Variants in DNAAF2 observed in about 807,000 individuals in gnomAD.
DNAAF2 encodes dynein axonemal assembly factor 2.
Under a neutral mutation model 48.8 loss-of-function variants are expected in DNAAF2, and 58 were observed. The observed-to-expected ratio is 1.19, with a 90% CI of 0.96 to 1.48. The LOEUF (loss-of-function observed/expected upper bound fraction) is 1.48, where lower values mean the gene tolerates loss of function less well. Among genes scored for constraint, DNAAF2 ranks in the 40% most tolerant of loss-of-function variants. DNAAF2 has a pLI of 0.00. For missense variants in DNAAF2, 1,241 were observed against 1,116.1 expected (o/e 1.11, Z -1.59); for synonymous variants, 567 against 481.2 (o/e 1.18, Z -2.33).
In DNAAF2 at chr14:49,625,500, A is replaced by G. The variant is rs1594601922; in HGVS notation, c.*42T>C. 3 of 1,301,798 alleles carry G rather than the reference A, an allele frequency of 2.3e-6. No individual in the cohort carries two copies. The highest frequency in any genetic ancestry group is 3.0e-5 in the African/African-American group (2 of 66,512). 80.6% of individuals were successfully genotyped at this position (1,301,798 alleles called of 1,614,324 possible). ...AACAGAATCAATTTTAGATACAGGT[A>G]TTTTTTAACCTTAATATTTAAAAGT... On this transcript the variant is annotated 3_prime_UTR_variant, in exon 3 of 3. Coordinates refer to ENST00000298292, the MANE Select transcript of DNAAF2 (RefSeq NM_018139.3).
chr14:49,634,461 T>TA lies in DNAAF2; in HGVS notation c.688dup (p.Tyr230LeufsTer53). ...CGCCCGGGGCCCGGGGGCTGCCGGG[T>TA]ACTGGTAAGGGTAGGGGAAGTCCGG... On this transcript the variant is annotated frameshift_variant, in exon 1 of 3. Transcript: ENST00000298292. LOFTEE classifies it high-confidence loss of function. The TA allele has an allele frequency of 6.4e-7, 1 of 1,564,194 alleles. No homozygotes were observed.
chr14:49,632,783 C>T (rs899384225), intron 1 of DNAAF2, among the ~76,000 whole-genome samples: 1 of 152,072 alleles, frequency 6.6e-6, no homozygotes, highest in East Asian at 1.9e-4. Context: ...ATCCGTGCAG[C>T]TAGTGTTGTT....
At position 49,634,472 on chromosome 14, in the gene DNAAF2, G is replaced by C. The variant is rs892853177; in HGVS notation, c.678C>G (p.Tyr226Ter). 1 of 1,578,946 alleles carries C rather than the reference G, an allele frequency of 6.3e-7. No individual in the cohort carries two copies. The highest frequency in any genetic ancestry group is 1.3e-5 in the African/African-American group (1 of 74,346). Residue 226 changes from tyrosine (Y) to a stop codon, truncating the protein, a stop_gained, in exon 1 of 3, where the codon TAC (tyrosine) becomes TAG (stop). Coordinates refer to ENST00000298292, the MANE Select transcript of DNAAF2 (RefSeq NM_018139.3). LOFTEE classifies it high-confidence loss of function. ...EPKGPLPDFP[Y>*]PYQYPAAPGP... ...CGGGGGCTGCCGGGTACTGGTAAGGGTAGGGGAAGTCCGGGAGAGGACCCT... is the reference window on the plus strand; with the variant it reads ...CGGGGGCTGCCGGGTACTGGTAAGGCTAGGGGAAGTCCGGGAGAGGACCCT...
intron 1 of DNAAF2, among the ~76,000 whole-genome samples, chr14:49,631,016 C>T (rs2985690): frequency 0.03 from 4,635 of 152,134 alleles, 196 homozygotes; most frequent in African/African-American, 0.09. Context: ...CCCAAAGTTC[C>T]GGGGCTACAG....
chr14:49,626,710 C>T (rs1034058842), intron 2 of DNAAF2, among the ~76,000 whole-genome samples: 1 of 151,218 alleles, frequency 6.6e-6, no homozygotes. Flanking sequence ...CACCATGTTG[C>T]CCAGTCTGGT....
chr14:49,629,085 C>G (rs1478530685), intron 1 of DNAAF2, among the ~76,000 whole-genome samples: 3 of 152,076 alleles, frequency 2.0e-5, no homozygotes, highest in African/African-American at 7.2e-5. Flanking sequence ...GCCTCAGCCT[C>G]TACAGTAGCT....
rs192529396 is a variant in DNAAF2 at position 49,632,637 on chromosome 14, G to C, written c.1863+650C>G. Among the ~76,000 whole-genome samples the C allele has an allele frequency of 2.6e-5, 4 of 151,906 alleles. No homozygotes were observed. The East Asian group carries it at 7.8e-4, about 30-fold the overall frequency. ...ATTTTTGTATTTTTAATAGTGACGG[G>C]GTTTCGCCATGTTGGTCAGGCTGGT... On this transcript the variant is annotated intron_variant, in intron 1 of 2. Coordinates refer to ENST00000298292, the MANE Select transcript of DNAAF2 (RefSeq NM_018139.3).
At chr14:49,630,647 T>C (rs1211145957) in intron 1 of DNAAF2, among the ~76,000 whole-genome samples, 1 of 131,316 alleles carries the variant, frequency 7.6e-6, no homozygotes, top group Non-Finnish European at 1.7e-5. Flanking sequence ...GTCCTCTATT[T>C]TGGCCCAAAT....
Position 49,625,629 on chromosome 14 carries a change from C to A in DNAAF2, c.2427G>T (p.Met809Ile). ...TAATGACCTGCACACTACCATCCTGCATATTGGTTTCTTTTATGCTGTCGA... is the reference window on the plus strand; with the variant it reads ...TAATGACCTGCACACTACCATCCTGAATATTGGTTTCTTTTATGCTGTCGA... ...PGFDSIKETN[M>I]QDGSVQVIKD... The change falls in exon 3 of 3, where the codon ATG (methionine) becomes ATT (isoleucine). Residue 809 changes from methionine to isoleucine, a missense_variant. Coordinates refer to ENST00000298292, the MANE Select transcript of DNAAF2 (RefSeq NM_018139.3). 6.2e-7 allele frequency: 1 copy of A among 1,613,718 alleles called. No individual in the cohort carries two copies. The highest frequency in any genetic ancestry group is 8.5e-7 in the Non-Finnish European group (1 of 1,179,762).
In DNAAF2 at chr14:49,634,488, A is replaced by G; in HGVS notation, c.662T>C (p.Leu221Pro). The change falls in exon 1 of 3, where the codon CTC (leucine) becomes CCC (proline). Residue 221 changes from leucine (L) to proline (P), a missense_variant. Coordinates refer to ENST00000298292, the MANE Select transcript of DNAAF2 (RefSeq NM_018139.3). ...ARPDGEPKGP[L>P]PDFPYPYQYP... is the part of the protein sequence containing the mutation. ...CTGGTAAGGGTAGGGGAAGTCCGGG[A>G]GAGGACCCTTCGGCTCCCCGTCAGG... 1 of 1,589,734 alleles carries G rather than the reference A, an allele frequency of 6.3e-7. No individual in the cohort carries two copies. Among genetic ancestry groups the G allele is most frequent in the South Asian group, 1.1e-5 (1 of 90,104 alleles).
intron 2 of DNAAF2, among the ~76,000 whole-genome samples, chr14:49,627,461 A>G (rs892171789): frequency 6.6e-6 from 1 of 152,222 alleles, no homozygotes; most frequent in African/African-American, 2.4e-5. Context: ...AAACTTCCTA[A>G]GTGTTAGTTT....
intron 2 of DNAAF2, among the ~76,000 whole-genome samples, chr14:49,626,514 G>A (rs1431401216): frequency 2.0e-5 from 3 of 152,112 alleles, no homozygotes; most frequent in Non-Finnish European, 4.4e-5. Context: ...GGCAGCATTT[G>A]AAGGATGACT....
chr14:49,632,880 GT>G (rs1883199443), intron 1 of DNAAF2, among the ~76,000 whole-genome samples: 1 of 151,650 alleles, frequency 6.6e-6, no homozygotes, highest in African/African-American at 2.4e-5. Flanking sequence ...CCATTTATGA[GT>G]TTAAAGAGTC....
At position 49,633,936 on chromosome 14, in the gene DNAAF2, G is replaced by A. The variant is rs779849510; in HGVS notation, c.1214C>T (p.Ala405Val). ...GGTGACCCCGGAGCCCGCAGCCCCA[G>A]CCACGCAGGTATCGTGGCCTCCGTC... is the stretch of plus-strand genomic sequence containing the variant. ...AEDGGHDTCV[A>V]GAAGSGVTTL... The change falls in exon 1 of 3, where the codon GCT (alanine) becomes GTT (valine). Residue 405 changes from alanine (A) to valine (V), a missense_variant. Coordinates refer to ENST00000298292, the MANE Select transcript of DNAAF2 (RefSeq NM_018139.3). The A allele has an allele frequency of 2.6e-6, 4 of 1,531,496 alleles. No homozygotes were observed. In the East Asian group the frequency reaches 9.8e-5, roughly 38 times the overall value. 94.9% of individuals were successfully genotyped at this position (1,531,496 alleles called of 1,614,324 possible).
rs768980352 is a variant in DNAAF2, at chr14:49,633,563, C to T, written c.1587G>A (p.Gln529=). The change falls in exon 1 of 3, where the codon CAG becomes CAA. Residue 529 remains glutamine (Q), a synonymous_variant. Coordinates refer to ENST00000298292, the MANE Select transcript of DNAAF2 (RefSeq NM_018139.3). ...TGAGCAGAGTCAAGGTTTCTTTGTC[C>T]TGATTACACAGTAACGGAGGACACA... ...EPLCPPLLCN[Q]DKETLTLLIQ... 1.1e-5 allele frequency: 17 copies of T among 1,613,888 alleles called. No individual in the cohort carries two copies. Among genetic ancestry groups the T allele is most frequent in the South Asian group, 2.2e-5 (2 of 91,086 alleles).
rs150737854 is a variant in DNAAF2 at position 49,633,744 on chromosome 14, C to T, written c.1406G>A (p.Cys469Tyr). The T allele has an allele frequency of 6.2e-3, 9,812 of 1,593,408 alleles. 94 individuals carry two copies. The highest frequency in any genetic ancestry group is 0.026 in the South Asian group (2,341 of 89,502). ...CCACGCCAGGCTCCGGGAGGACAAACAAGGGGAGCCTCCGCCACCAGGTGA... is the reference window on the plus strand; with the variant it reads ...CCACGCCAGGCTCCGGGAGGACAAATAAGGGGAGCCTCCGCCACCAGGTGA... ...ENSPGGGGSP[C>Y]LSSRSLAWGS... Residue 469 changes from cysteine (C) to tyrosine (Y), a missense_variant, in exon 1 of 3, where the codon TGT becomes TAT. By Grantham distance (194) the Cys-to-Tyr change is radical. Coordinates refer to ENST00000298292, the MANE Select transcript of DNAAF2 (RefSeq NM_018139.3).
intron 1 of DNAAF2, among the ~76,000 whole-genome samples, chr14:49,632,563 A>C (rs557247378): frequency 6.6e-6 from 1 of 151,514 alleles, no homozygotes; most frequent in Admixed American, 6.6e-5. Flanking sequence ...CTCCTGCCTC[A>C]GCCTCCCAAG....
chr14:49,626,105 G>T, intron 2 of DNAAF2, 57 bp from the exon 3 acceptor site: 1 of 1,299,692 alleles, frequency 7.7e-7, no homozygotes, highest in Non-Finnish European at 9.9e-7. Context: ...AAATTAAATT[G>T]TACTACCCTC....
chr14:49,634,006 A>T lies in DNAAF2; in HGVS notation c.1144T>A (p.Ser382Thr). Residue 382 changes from serine to threonine, a missense_variant, in exon 1 of 3, where the codon TCC (serine) becomes ACC (threonine). Transcript: ENST00000298292. The part of the protein sequence containing the change: ...RSGTDGQACA[S>T]AREGEAGPAR... ...GGTCCCGCCTCCCCCTCGCGAGCGG[A>T]AGCGCAGGCCTGGCCGTCAGTTCCG... is the stretch of plus-strand genomic sequence containing the variant. The T allele has an allele frequency of 6.6e-7, 1 of 1,523,318 alleles. No individual in the cohort carries two copies. Among genetic ancestry groups the T allele is most frequent in the Non-Finnish European group, 8.8e-7 (1 of 1,141,650 alleles). 94.4% of individuals were successfully genotyped at this position (1,523,318 alleles called of 1,614,324 possible).
Sources: gnomAD v4.1 joint callset for allele counts (sites outside exome capture counted in the v4.1 genomes callset) on GRCh38, gnomAD v4.1.1 for gene constraint, MANE v1.5 for transcripts, NCBI Gene and HGNC (gene_info 2026-07-23, HGNC 2026-07-21) for gene names.